The following HMG20B variants were observed in gnomAD, a reference collection of about 807,000 sequenced individuals.
HMG20B encodes high mobility group 20B.
A neutral mutation model predicts 41.6 loss-of-function variants in HMG20B; 24 were observed. That is an observed-to-expected ratio of 0.58 (90% CI 0.42 to 0.81). The LOEUF (loss-of-function observed/expected upper bound fraction) is 0.81. Ranked by LOEUF, HMG20B falls within the 30% of genes least tolerant of loss-of-function variation. The pLI, the probability that HMG20B is intolerant of heterozygous loss-of-function variation, is 0.00. For missense variants in HMG20B, 461 were observed against 444.0 expected (o/e 1.04, Z -0.34); for synonymous variants, 251 against 186.6 (o/e 1.34, Z -2.81).
intron 5 of HMG20B, chr19:3,575,943 C>CAAAAAAA: frequency 3.5e-6 from 1 of 288,640 alleles, no homozygotes; most frequent in Non-Finnish European, 6.1e-6. Context: ...GACTCCGTCT[C>CAAAAAAA]AAAAAAAAAA....
chr19:3,578,021 C>T lies in HMG20B; in HGVS notation c.849C>T (p.Tyr283=). The T allele has an allele frequency of 6.2e-7, 1 of 1,608,722 alleles. No homozygotes were observed. Among genetic ancestry groups the T allele is most frequent in the African/African-American group, 1.3e-5 (1 of 74,964 alleles). Residue 283 remains tyrosine, a synonymous_variant, in exon 9 of 10, where the codon TAC becomes TAT. Coordinates refer to ENST00000333651, the MANE Select transcript of HMG20B (RefSeq NM_006339.3). ...ETPTLGTLDF[Y]MARLHGAIER... ...CCACGCTGGGCACTCTGGACTTCTA[C>T]ATGGCCCGGCTTCACGGAGCCATCG...
chr19:3,578,109 G>T lies in HMG20B; in HGVS notation c.937G>T (p.Ala313Ser), dbSNP rs1472506326. The T allele has an allele frequency of 1.2e-6, 2 of 1,610,762 alleles. No individual in the cohort carries two copies. ...VRIKEILAQV[A>S]SEHL Reference sequence around the variant, plus strand: ...CATCAAGGAAATCCTGGCCCAGGTCGCCAGGTGTGTGCCGGGCGAGGCGGG... The same window carrying T: ...CATCAAGGAAATCCTGGCCCAGGTCTCCAGGTGTGTGCCGGGCGAGGCGGG... Residue 313 changes from alanine to serine, a missense_variant, in exon 9 of 10, where the codon GCC becomes TCC. Ala to Ser is a moderately conservative substitution (Grantham distance 99). Around this residue, in one of 3 missense-constraint regions of HMG20B, gnomAD observed 308 missense variants for 283.4 expected, o/e 1.09. Coordinates refer to ENST00000333651, the MANE Select transcript of HMG20B (RefSeq NM_006339.3).
chr19:3,573,584 T>C, intron 2 of HMG20B, 108 bp from the exon 3 acceptor site: 1 of 1,058,950 alleles, frequency 9.4e-7, no homozygotes, highest in Non-Finnish European at 1.3e-6. Flanking sequence ...CTCGGGCTCA[T>C]GCACTCTCGC....
At chr19:3,576,194 C>G in intron 5 of HMG20B, 67 bp from the exon 6 acceptor site, 1 of 1,448,084 alleles carries the variant, frequency 6.9e-7, no homozygotes, top group Non-Finnish European at 9.7e-7. Context: ...GCAGCGCTGA[C>G]CTAGGGTGCA....
intron 2 of HMG20B, 131 bp from the exon 3 acceptor site, chr19:3,573,561 C>G: frequency 1.1e-6 from 1 of 947,688 alleles, no homozygotes; most frequent in Non-Finnish European, 1.5e-6. Context: ...CTGACCCCAT[C>G]AGACCCTGCC....
intron 4 of HMG20B, among the ~76,000 whole-genome samples, chr19:3,575,143 T>A (rs1286181550): frequency 6.6e-6 from 1 of 152,196 alleles, no homozygotes; most frequent in East Asian, 1.9e-4. Flanking sequence ...GATTTTCATA[T>A]CCTGTTAGTT....
chr19:3,578,149 C>T (rs1599857914), intron 9 of HMG20B, 36 bp downstream of exon 9: 2 of 1,599,308 alleles, frequency 1.3e-6, no homozygotes, highest in African/African-American at 2.7e-5. Flanking sequence ...GGCCGGGGTT[C>T]AAGGCCCGGA....
chr19:3,575,445 G>C, intron 4 of HMG20B, 95 bp from the exon 5 acceptor site: 1 of 1,528,366 alleles, frequency 6.5e-7, no homozygotes, highest in South Asian at 1.2e-5. Flanking sequence ...AGAAGGTTCA[G>C]GAGAGGGGAG....
chr19:3,573,663 G>C, intron 2 of HMG20B, 29 bp from the exon 3 acceptor site: 2 of 1,469,252 alleles, frequency 1.4e-6, no homozygotes, highest in South Asian at 1.5e-5. Flanking sequence ...TTCTTGGGAC[G>C]GGGCTGACCG....
In HMG20B at chr19:3,577,972, G is replaced by T. The variant is rs1246872520; in HGVS notation, c.809-9G>T. The T allele has an allele frequency of 6.3e-7, 1 of 1,586,950 alleles. No homozygotes were observed. The highest frequency in any genetic ancestry group is 8.5e-7 in the Non-Finnish European group (1 of 1,170,026). ...GCACCCTCGCCTGACCTTCCCGCCT[G>T]TCCCCCAGGCACGGGCGAAACGCCC... On this transcript the variant is annotated splice_polypyrimidine_tract_variant and intron_variant, in intron 8 of 9. Transcript: ENST00000333651.
chr19:3,574,092 A>G, intron 3 of HMG20B: 1 of 635,634 alleles, frequency 1.6e-6, no homozygotes, highest in Non-Finnish European at 2.8e-6. Flanking sequence ...TCTCCAGCAG[A>G]AAACCACGCC....
intron 5 of HMG20B, 77 bp from the exon 6 acceptor site, chr19:3,576,184 G>T: frequency 7.5e-7 from 1 of 1,336,856 alleles, no homozygotes. Context: ...AGCCGGCTGA[G>T]CAGCGCTGAC....
At chr19:3,574,049 G>A in intron 3 of HMG20B, 1 of 658,336 alleles carries the variant, frequency 1.5e-6, no homozygotes, top group Non-Finnish European at 2.7e-6. Context: ...ACTCCTTGGG[G>A]GCGGCACCCT....
chr19:3,574,715 CTTTTTT>C, intron 4 of HMG20B, 129 bp downstream of exon 4: 31 of 585,374 alleles, frequency 5.3e-5, no homozygotes, highest in Admixed American at 6.7e-5. Context: ...CCATAACCAA[CTTTTTT>C]TTTTTTTTTT....
chr19:3,573,836 G>A, intron 3 of HMG20B, 36 bp downstream of exon 3: 1 of 1,549,936 alleles, frequency 6.5e-7, no homozygotes, highest in Non-Finnish European at 8.8e-7. Context: ...GGAGGCCCCG[G>A]GCTCCCGCCC....
intron 2 of HMG20B, 30 bp from the exon 3 acceptor site, chr19:3,573,662 C>T (rs1341101605): frequency 4.5e-5 from 66 of 1,467,170 alleles, no homozygotes; most frequent in Non-Finnish European, 5.6e-5. Context: ...ATTCTTGGGA[C>T]GGGGCTGACC....
chr19:3,573,400 C>T (rs1159162708), intron 2 of HMG20B, 53 bp downstream of exon 2: 3 of 1,476,712 alleles, frequency 2.0e-6, no homozygotes, highest in African/African-American at 2.9e-5. Flanking sequence ...GGCTGCAGCC[C>T]TAGCTCCTGA....
intron 7 of HMG20B, 75 bp from the exon 8 acceptor site, chr19:3,576,817 G>A (rs560217969): frequency 6.7e-7 from 1 of 1,489,872 alleles, no homozygotes; most frequent in East Asian, 2.5e-5. Flanking sequence ...CCTGGGCAGG[G>A]GCACGTCCCG....
At position 3,575,531 on chromosome 19, in the gene HMG20B, G is replaced by A. The variant is rs2032138701; in HGVS notation, c.352-9G>A. 6.4e-7 allele frequency: 1 copy of A among 1,562,688 alleles called. No homozygotes were observed. The highest frequency in any genetic ancestry group is 1.2e-5 in the South Asian group (1 of 84,642). On this transcript the variant is annotated splice_polypyrimidine_tract_variant and intron_variant, in intron 4 of 9. Transcript: ENST00000333651. ...CCCCTGCTTCAAGCCTTCTGGTGCTGCCCCCCAGCGGTACCTGGATGAGGC... is the reference window on the plus strand; with the variant it reads ...CCCCTGCTTCAAGCCTTCTGGTGCTACCCCCCAGCGGTACCTGGATGAGGC...
Sources: gnomAD v4.1 joint callset for allele counts (sites outside exome capture counted in the v4.1 genomes callset) on GRCh38, gnomAD v4.1.1 for gene constraint, gnomAD v4.1.1 regional missense constraint, MANE v1.5 for transcripts, NCBI Gene and HGNC (gene_info 2026-07-23, HGNC 2026-07-21) for gene names.